The following TMEM132D variants were observed in gnomAD, a reference collection of about 807,000 sequenced individuals.
TMEM132D encodes mature OL transmembrane protein.
In TMEM132D, 21 loss-of-function variants were observed where a neutral mutation model predicts 62.3. The observed-to-expected ratio is 0.34, with a 90% confidence interval of 0.24 to 0.49. The LOEUF (loss-of-function observed/expected upper bound fraction) is 0.49. Among genes scored for constraint, TMEM132D ranks in the 20% least tolerant of loss-of-function variants. The probability of loss-of-function intolerance (pLI) is 0.99; values close to 1 mark genes in which losing one functional copy is unlikely to be tolerated. For missense variants in TMEM132D, 1,346 were observed against 1,402.8 expected, an observed-to-expected ratio of 0.96 and a Z score of 0.65; for synonymous variants, 621 against 575.6, an observed-to-expected ratio of 1.08 and a Z score of -1.13.
chr12:129,696,131 G>A (rs143579276), intron 2 of TMEM132D, among the ~76,000 whole-genome samples: 318 of 152,220 alleles, frequency 2.1e-3, no homozygotes, highest in African/African-American at 7.2e-3. Context: ...TTAAGTCTTC[G>A]GCATATCTGG....
At chr12:129,617,834 G>A (rs1054701614) in intron 2 of TMEM132D, among the ~76,000 whole-genome samples, 3 of 152,020 alleles carry the variant, frequency 2.0e-5, no homozygotes, top group African/African-American at 7.2e-5. Context: ...ACCTCCCAGG[G>A]GCCCCGCCAC....
chr12:129,898,892 G>T (rs1441751188), intron 1 of TMEM132D, among the ~76,000 whole-genome samples: 1 of 152,198 alleles, frequency 6.6e-6, no homozygotes, highest in African/African-American at 2.4e-5. Context: ...AGGAAGAGGG[G>T]AATGATGAAT....
intron 5 of TMEM132D, among the ~76,000 whole-genome samples, chr12:129,201,118 C>T (rs1037293189): frequency 3.3e-5 from 5 of 152,172 alleles, no homozygotes; most frequent in Non-Finnish European, 7.3e-5. Flanking sequence ...CTACAGCCCC[C>T]TTTGATTTTT....
At chr12:129,516,624 T>C (rs1229676386) in intron 3 of TMEM132D, among the ~76,000 whole-genome samples, 5 of 152,204 alleles carry the variant, frequency 3.3e-5, no homozygotes, top group Admixed American at 1.3e-4. Context: ...CACTGGGTCC[T>C]TCCCACAACA....
At chr12:129,101,592 T>C (rs1025438527) in intron 5 of TMEM132D, among the ~76,000 whole-genome samples, 1 of 152,200 alleles carries the variant, frequency 6.6e-6, no homozygotes, top group Non-Finnish European at 1.5e-5. Context: ...CAGTCAGAGC[T>C]ACACTCTACG....
intron 4 of TMEM132D, among the ~76,000 whole-genome samples, chr12:129,265,482 G>A (rs1880661824): frequency 6.6e-6 from 1 of 152,150 alleles, no homozygotes; most frequent in African/African-American, 2.4e-5. Flanking sequence ...CACACCCTCT[G>A]AAAGAACTGT....
At chr12:129,615,904 G>A (rs1878904303) in intron 2 of TMEM132D, among the ~76,000 whole-genome samples, 1 of 152,224 alleles carries the variant, frequency 6.6e-6, no homozygotes, top group Admixed American at 6.5e-5. Context: ...ACTGGCTTGA[G>A]TTGAGTGGCA....
chr12:129,551,177 C>T (rs1876884933), intron 2 of TMEM132D, among the ~76,000 whole-genome samples: 1 of 152,264 alleles, frequency 6.6e-6, no homozygotes, highest in Non-Finnish European at 1.5e-5. Context: ...GCTGAGGCCC[C>T]AGCCATTGTG....
intron 5 of TMEM132D, among the ~76,000 whole-genome samples, chr12:129,126,604 TG>T (rs1429835797): frequency 1.3e-5 from 2 of 151,748 alleles, no homozygotes; most frequent in African/African-American, 4.8e-5. Flanking sequence ...GCCATCAGGG[TG>T]GGGGGTGAAT....
chr12:129,261,546 C>T (rs59585351), intron 4 of TMEM132D, among the ~76,000 whole-genome samples: 3,018 of 152,232 alleles, frequency 0.02, 108 homozygotes, highest in African/African-American at 0.069. Flanking sequence ...GAGTCTTGGC[C>T]ATTTCTTTAC....
intron 4 of TMEM132D, among the ~76,000 whole-genome samples, chr12:129,334,454 C>A (rs931851183): frequency 2.0e-5 from 3 of 150,594 alleles, no homozygotes; most frequent in African/African-American, 7.5e-5. Flanking sequence ...CACTCTTTTA[C>A]CAACCAAGTC....
At chr12:129,420,815 T>A (rs974237459) in intron 3 of TMEM132D, among the ~76,000 whole-genome samples, 2 of 152,206 alleles carry the variant, frequency 1.3e-5, no homozygotes, top group Non-Finnish European at 2.9e-5. Context: ...GGAATGTATT[T>A]GCTGGTGAGA....
intron 4 of TMEM132D, among the ~76,000 whole-genome samples, chr12:129,329,563 T>A (rs893787223): frequency 6.6e-6 from 1 of 152,218 alleles, no homozygotes; most frequent in East Asian, 1.9e-4. Flanking sequence ...TGACAGCCTT[T>A]TCTTAAGTCC....
chr12:129,546,031 G>A (rs1303813445), intron 2 of TMEM132D, among the ~76,000 whole-genome samples: 1 of 152,064 alleles, frequency 6.6e-6, no homozygotes, highest in Non-Finnish European at 1.5e-5. Flanking sequence ...CGTGGGGTTC[G>A]ATCATCACAG....
At chr12:129,381,958 A>G (rs1239606677) in intron 3 of TMEM132D, among the ~76,000 whole-genome samples, 1 of 152,128 alleles carries the variant, frequency 6.6e-6, no homozygotes, top group Non-Finnish European at 1.5e-5. Flanking sequence ...CACAGACCGT[A>G]TGCTCCTGTG....
At chr12:129,769,975 GA>G (rs919874413) in intron 1 of TMEM132D, among the ~76,000 whole-genome samples, 2 of 151,598 alleles carry the variant, frequency 1.3e-5, no homozygotes, top group African/African-American at 4.8e-5. Flanking sequence ...CACACCCGAC[GA>G]ACGTTCTTTT....
intron 2 of TMEM132D, among the ~76,000 whole-genome samples, chr12:129,612,664 CTTTG>C (rs920717444): frequency 1.6e-4 from 25 of 151,740 alleles, no homozygotes; most frequent in South Asian, 6.3e-4. Context: ...CATCTTATTT[CTTTG>C]TTTATCAGTC....
intron 5 of TMEM132D, chr12:129,208,768 T>C (rs1278388596): frequency 1.3e-5 from 2 of 152,086 alleles, no homozygotes; most frequent in Admixed American, 1.3e-4. Context: ...GTCTCTGGAG[T>C]GGGCGGAGGC....
chr12:129,843,311 A>T (rs1873257073), intron 1 of TMEM132D, among the ~76,000 whole-genome samples: 1 of 152,224 alleles, frequency 6.6e-6, no homozygotes, highest in Admixed American at 6.5e-5. Flanking sequence ...TTAGAAGATA[A>T]ATCTATCTAA....
Sources: allele counts gnomAD v4.1 joint callset (sites outside exome capture counted in the v4.1 genomes callset), GRCh38; gene constraint gnomAD v4.1.1; transcripts MANE v1.5; gene names NCBI Gene and HGNC (gene_info 2026-07-23, HGNC 2026-07-21).